Variants in CCSER1 observed in about 807,000 individuals in gnomAD.
CCSER1 encodes coiled-coil serine rich protein 1, also known as serine-rich coiled-coil domain-containing protein 1.
Under a neutral mutation model 82.0 loss-of-function variants are expected in CCSER1, and 41 were observed. The observed-to-expected ratio is 0.50, with a 90% confidence interval of 0.39 to 0.65. CCSER1 has a LOEUF of 0.65. Ranked by LOEUF, CCSER1 falls within the 30% of genes least tolerant of loss-of-function variation. CCSER1 has a pLI of 0.00. For synonymous variants in CCSER1, 414 were observed against 383.9 expected (o/e 1.08, Z -0.92); for missense variants, 1,119 against 1,064.2 (o/e 1.05, Z -0.72).
intron 10 of CCSER1, among the ~76,000 whole-genome samples, chr4:91,392,848 G>T (rs936843257): frequency 3.9e-5 from 6 of 152,092 alleles, no homozygotes; most frequent in Admixed American, 3.3e-4. Context: ...GGCAGAATTT[G>T]AATAGACAAG....
chr4:91,301,679 G>A (rs1278246405), intron 10 of CCSER1, among the ~76,000 whole-genome samples: 2 of 151,492 alleles, frequency 1.3e-5, no homozygotes, highest in Non-Finnish European at 1.5e-5. Context: ...TTCACTTTTC[G>A]GGTTGCTACT....
intron 10 of CCSER1, among the ~76,000 whole-genome samples, chr4:91,527,487 T>C (rs1448610464): frequency 2.0e-5 from 3 of 152,158 alleles, no homozygotes; most frequent in African/African-American, 4.8e-5. Context: ...GCTATTGTGA[T>C]AGCCAAATAA....
chr4:91,099,250 C>G (rs1210432399), intron 10 of CCSER1, among the ~76,000 whole-genome samples: 1 of 152,122 alleles, frequency 6.6e-6, no homozygotes, highest in Non-Finnish European at 1.5e-5. Flanking sequence ...TGTATAATAT[C>G]AGTGATGACA....
chr4:91,266,425 G>A (rs1741588908), intron 10 of CCSER1, among the ~76,000 whole-genome samples: 1 of 151,848 alleles, frequency 6.6e-6, no homozygotes, highest in Non-Finnish European at 1.5e-5. Context: ...CTAATTTTTT[G>A]TATTTTTAGT....
chr4:91,200,759 G>A (rs1735842060), intron 10 of CCSER1, among the ~76,000 whole-genome samples: 1 of 151,932 alleles, frequency 6.6e-6, no homozygotes, highest in South Asian at 2.1e-4. Context: ...CAAATAAAAA[G>A]CCTCTATATA....
intron 10 of CCSER1, among the ~76,000 whole-genome samples, chr4:91,515,949 C>T (rs1760096509): frequency 6.7e-6 from 1 of 149,404 alleles, no homozygotes; most frequent in African/African-American, 2.5e-5. Context: ...TTGCATTTCT[C>T]AAATGATTAG....
intron 10 of CCSER1, among the ~76,000 whole-genome samples, chr4:91,298,666 C>T (rs1453891705): frequency 6.6e-6 from 1 of 151,856 alleles, no homozygotes; most frequent in Non-Finnish European, 1.5e-5. Context: ...GGAAAAAAAC[C>T]TTCTTTACAG....
intron 9 of CCSER1, among the ~76,000 whole-genome samples, chr4:90,996,707 T>C (rs751765339): frequency 2.8e-4 from 42 of 152,306 alleles, no homozygotes; most frequent in Middle Eastern, 3.4e-3. Context: ...TATTTTGTTC[T>C]CCATTCTAAA....
intron 7 of CCSER1, among the ~76,000 whole-genome samples, chr4:90,729,672 G>A (rs1170931956): frequency 1.3e-5 from 2 of 152,010 alleles, no homozygotes; most frequent in East Asian, 1.9e-4. Flanking sequence ...TCAGGGGATC[G>A]AGACCATTCT....
intron 10 of CCSER1, among the ~76,000 whole-genome samples, chr4:91,249,161 C>T (rs574782288): frequency 2.6e-5 from 4 of 152,068 alleles, no homozygotes; most frequent in Non-Finnish European, 2.9e-5. Context: ...TCTGAAAATT[C>T]GGGGTGTAGT....
chr4:91,275,107 A>G (rs1742318348), intron 10 of CCSER1, among the ~76,000 whole-genome samples: 1 of 151,716 alleles, frequency 6.6e-6, no homozygotes, highest in Admixed American at 6.6e-5. Flanking sequence ...CTCCGTCTAA[A>G]AAAAAAAAAG....
intron 6 of CCSER1, among the ~76,000 whole-genome samples, chr4:90,722,053 T>A (rs2149368138): frequency 6.6e-6 from 1 of 151,838 alleles, no homozygotes; most frequent in Admixed American, 6.6e-5. Flanking sequence ...ATTTATATGT[T>A]AATTTCTGGA....
chr4:90,938,585 AGT>A, intron 9 of CCSER1: 1 of 266,386 alleles, frequency 3.8e-6, no homozygotes. Flanking sequence ...GTTTGTTAAA[AGT>A]GTGTGAACAT....
intron 3 of CCSER1, among the ~76,000 whole-genome samples, chr4:90,353,495 G>C (rs1010435222): frequency 1.3e-5 from 2 of 152,096 alleles, no homozygotes; most frequent in Non-Finnish European, 2.9e-5. Flanking sequence ...TGAAAATGAT[G>C]GAAGAGGCAA....
chr4:90,898,353 G>A (rs1724068293), intron 8 of CCSER1, among the ~76,000 whole-genome samples: 1 of 128,572 alleles, frequency 7.8e-6, no homozygotes, highest in Admixed American at 9.3e-5. Context: ...CACGATCTCA[G>A]CTCACTGCAA....
At chr4:91,504,499 A>G (rs1197355443) in intron 10 of CCSER1, among the ~76,000 whole-genome samples, 5 of 152,222 alleles carry the variant, frequency 3.3e-5, no homozygotes, top group Non-Finnish European at 7.4e-5. Context: ...CCTTTAATTC[A>G]TAAGAAACAG....
At chr4:90,530,280 C>G (rs1361171684) in intron 5 of CCSER1, among the ~76,000 whole-genome samples, 1 of 152,100 alleles carries the variant, frequency 6.6e-6, no homozygotes, top group Non-Finnish European at 1.5e-5. Context: ...AAGATTAACA[C>G]TCTTATAGTT....
rs527339319 is a variant in CCSER1, at chr4:90,920,428, A to C, written c.2095-2942A>C. On this transcript the variant is annotated intron_variant, in intron 8 of 10. Transcript: ENST00000509176. ...ATTCCTCACATTGTCCCTTTAATTG[A>C]CTCCCTTTAGGCAATTTTGAAGTAG... Among the ~76,000 whole-genome samples, 8 of 151,726 alleles carry C rather than the reference A, an allele frequency of 5.3e-5. No individual in the cohort carries two copies. The South Asian group carries it at 1.5e-3, about 28-fold the overall frequency.
intron 10 of CCSER1, among the ~76,000 whole-genome samples, chr4:91,445,365 C>T (rs1242291673): frequency 9.3e-5 from 14 of 150,146 alleles, no homozygotes; most frequent in African/African-American, 3.2e-4. Context: ...GATATTTGGC[C>T]AACTATAGTA....
Sources: gnomAD v4.1 joint callset for allele counts (sites outside exome capture counted in the v4.1 genomes callset) on GRCh38, gnomAD v4.1.1 for gene constraint, MANE v1.5 for transcripts, NCBI Gene and HGNC (gene_info 2026-07-23, HGNC 2026-07-21) for gene names.